The following RPL35 variants were observed in gnomAD, a reference collection of about 807,000 sequenced individuals.
The protein encoded by RPL35 is large ribosomal subunit protein uL29.
Under a neutral mutation model 15.6 loss-of-function variants are expected in RPL35, and 2 were observed. That is an observed-to-expected ratio of 0.13 (90% CI 0.05 to 0.40). The LOEUF is 0.40. RPL35 is among the 10% of genes least tolerant of loss of function. The pLI, the probability that RPL35 is intolerant of heterozygous loss-of-function variation, is 0.99. For missense variants in RPL35, 111 were observed against 164.7 expected (o/e 0.67, Z 1.79); for synonymous variants, 93 against 67.9 (o/e 1.37, Z -1.82).
chr9:124,861,885 T>A, intron 1 of RPL35, 25 bp downstream of exon 1: 1 of 1,602,662 alleles, frequency 6.2e-7, no homozygotes, highest in Non-Finnish European at 8.5e-7. Context: ...AGCGCTCGGA[T>A]GGCGCCCGAT....
chr9:124,858,850 G>C (rs1021945084), intron 3 of RPL35, among the ~76,000 whole-genome samples: 3 of 152,238 alleles, frequency 2.0e-5, no homozygotes, highest in Non-Finnish European at 2.9e-5. Context: ...AGACTGAACA[G>C]GTAACAAGTG....
intron 1 of RPL35, 161 bp downstream of exon 1, chr9:124,861,749 C>T: frequency 7.5e-7 from 1 of 1,325,596 alleles, no homozygotes; most frequent in Non-Finnish European, 1.0e-6. Context: ...GCGCCTCTCC[C>T]GGCGCCAAGC....
intron 3 of RPL35, chr9:124,858,276 C>A (rs1829138778): frequency 3.2e-6 from 2 of 619,922 alleles, no homozygotes; most frequent in Admixed American, 2.8e-5. Flanking sequence ...GTCTGCTGAC[C>A]TACTGGGCTG....
intron 2 of RPL35, among the ~76,000 whole-genome samples, chr9:124,860,637 C>T (rs1032948063): frequency 2.0e-5 from 3 of 152,198 alleles, no homozygotes; most frequent in Non-Finnish European, 4.4e-5. Flanking sequence ...AGAAACAAGA[C>T]ATTTGCAAAG....
chr9:124,859,611 A>G (rs1829164012), intron 3 of RPL35, among the ~76,000 whole-genome samples: 1 of 152,074 alleles, frequency 6.6e-6, no homozygotes, highest in Non-Finnish European at 1.5e-5. Flanking sequence ...GTCTCCCCCT[A>G]GTTTTCTCTG....
Position 124,861,956 on chromosome 9 carries a change from A to G in RPL35, c.-44T>C, listed in dbSNP as rs377225059. The stretch of plus-strand genomic sequence containing the variant: ...CGCCGCCGCCCGCTCCGAGGGAAAG[A>G]GGAAGTAGGCGGGGCTGACCTCCGC... On this transcript the variant is annotated 5_prime_UTR_variant, in exon 1 of 4. Coordinates refer to ENST00000348462, the MANE Select transcript of RPL35 (RefSeq NM_007209.4). The G allele has an allele frequency of 3.7e-4, 593 of 1,591,506 alleles. 2 individuals carry two copies. The African/African-American group carries it at 7.2e-3, about 19-fold the overall frequency.
intron 2 of RPL35, among the ~76,000 whole-genome samples, chr9:124,860,640 T>C (rs1829182665): frequency 6.6e-6 from 1 of 151,992 alleles, no homozygotes; most frequent in African/African-American, 2.4e-5. Flanking sequence ...AACAAGACAT[T>C]TGCAAAGTGG....
intron 1 of RPL35, 81 bp from the exon 2 acceptor site, chr9:124,861,636 G>A: frequency 6.4e-7 from 1 of 1,551,562 alleles, no homozygotes; most frequent in South Asian, 1.2e-5. Flanking sequence ...CCAAAGGCGC[G>A]CGACTCGCCA....
chr9:124,858,432 C>A (rs1205921482), intron 3 of RPL35: 2 of 712,096 alleles, frequency 2.8e-6, no homozygotes, highest in South Asian at 3.0e-5. Context: ...CAGCACCCAC[C>A]AAGCCCCGGG....
At chr9:124,858,911 TG>T (rs3215945) in intron 3 of RPL35, among the ~76,000 whole-genome samples, 84,332 of 152,028 alleles carry the variant, frequency 0.55, 23,819 homozygotes, top group Non-Finnish European at 0.57. Context: ...CCCCTGCAGG[TG>T]GGCAGAGGAC....
At position 124,857,935 on chromosome 9, in the gene RPL35, A is replaced by C; in HGVS notation, c.355T>G (p.Tyr119Asp). ...RKERLYPLRK[Y>D]AVKA ...TGCGCCCCTCAGGCCTTGACCGCGT[A>C]CTTCCGCAGCGGGTACAGCCGCTCC... is the stretch of plus-strand genomic sequence containing the variant. The change falls in exon 4 of 4, where the codon TAC (tyrosine) becomes GAC (aspartate). Residue 119 changes from tyrosine to aspartate, a missense_variant. Tyr to Asp is a radical substitution (Grantham distance 160). Coordinates refer to ENST00000348462, the MANE Select transcript of RPL35 (RefSeq NM_007209.4). The C allele has an allele frequency of 6.2e-7, 1 of 1,612,224 alleles. No individual in the cohort carries two copies. The highest frequency in any genetic ancestry group is 8.5e-7 in the Non-Finnish European group (1 of 1,180,040).
Position 124,857,930 on chromosome 9 carries a change from C to G in RPL35, c.360G>C (p.Ala120=), listed in dbSNP as rs748741219. Residue 120 remains alanine (A), a synonymous_variant, in exon 4 of 4, where the codon GCG becomes GCC. Transcript: ENST00000348462. ...KERLYPLRKY[A]VKA ...GACAATGCGCCCCTCAGGCCTTGAC[C>G]GCGTACTTCCGCAGCGGGTACAGCC... is the stretch of plus-strand genomic sequence containing the variant. The G allele has an allele frequency of 1.2e-6, 2 of 1,612,102 alleles. No homozygotes were observed. The highest frequency in any genetic ancestry group is 2.2e-5 in the East Asian group (1 of 44,896).
At position 124,859,501 on chromosome 9, in the gene RPL35, A is replaced by C. The variant is rs567986823; in HGVS notation, c.222+682T>G. On this transcript the variant is annotated intron_variant, in intron 3 of 3. Coordinates refer to ENST00000348462, the MANE Select transcript of RPL35 (RefSeq NM_007209.4). ...GGGCTGAGGCTCCCTCCAAGTACCC[A>C]CTGGGAACAGCAGCTTCAACCTGAG... is the stretch of plus-strand genomic sequence containing the variant. Among the ~76,000 whole-genome samples, 8 of 152,316 alleles carry C rather than the reference A, an allele frequency of 5.3e-5. 1 individual carries two copies. Among genetic ancestry groups the C allele is most frequent in the African/African-American group, 1.9e-4 (8 of 41,570 alleles).
chr9:124,861,107 T>A (rs952425341), intron 2 of RPL35: 3 of 337,084 alleles, frequency 8.9e-6, no homozygotes, highest in South Asian at 4.9e-5. Context: ...ACGCTGCCAC[T>A]CCAGGGTGCA....
At chr9:124,861,183 G>T in intron 2 of RPL35, 1 of 505,274 alleles carries the variant, frequency 2.0e-6, no homozygotes, top group South Asian at 2.9e-5. Context: ...AAGGGGTCCG[G>T]GTAGGCTTTG....
At chr9:124,860,358 C>A in intron 2 of RPL35, 94 bp from the exon 3 acceptor site, 1 of 985,430 alleles carries the variant, frequency 1.0e-6, no homozygotes, top group African/African-American at 1.6e-5. Context: ...CTGCAGCCTC[C>A]CCCATCAACC....
intron 3 of RPL35, 111 bp downstream of exon 3, chr9:124,860,072 A>G (rs768221867): frequency 5.7e-5 from 45 of 789,228 alleles, no homozygotes; most frequent in Non-Finnish European, 9.8e-5. Context: ...TGGGAAGGCT[A>G]ACCACTCTCA....
chr9:124,861,439 C>G lies in RPL35; in HGVS notation c.120G>C (p.Ala40=), dbSNP rs958208758. ...QLRVAKVTGG[A]ASKLSKIRVV... is the part of the protein sequence containing the mutation. ...CTTACATCTTAGAGAGCTTGGAGGC[C>G]GCACCGCCTGTCACTTTGGCGACGC... Residue 40 remains alanine (A), a synonymous_variant, in exon 2 of 4, where the codon GCG becomes GCC. Coordinates refer to ENST00000348462, the MANE Select transcript of RPL35 (RefSeq NM_007209.4). The G allele has an allele frequency of 6.2e-7, 1 of 1,613,406 alleles. No homozygotes were observed.
Position 124,861,922 on chromosome 9 carries a change from A to G in RPL35, c.-10T>C, listed in dbSNP as rs1829205239. The G allele has an allele frequency of 2.5e-6, 4 of 1,600,502 alleles. No homozygotes were observed. Among genetic ancestry groups the G allele is most frequent in the African/African-American group, 1.3e-5 (1 of 74,238 alleles). ...CCGCAGCTCTCACCATTGCTGCACA[A>G]GCCGCCAACGCCGCCGCCCGCTCCG... On this transcript the variant is annotated 5_prime_UTR_variant, in exon 1 of 4. Transcript: ENST00000348462.
Sources: gnomAD v4.1 joint callset for allele counts (sites outside exome capture counted in the v4.1 genomes callset) on GRCh38, gnomAD v4.1.1 for gene constraint, MANE v1.5 for transcripts, NCBI Gene and HGNC (gene_info 2026-07-23, HGNC 2026-07-21) for gene names.